The following SLC9B1 variants were observed in gnomAD, a reference collection of about 807,000 sequenced individuals.
The protein encoded by SLC9B1 is solute carrier family 9 member B1.
SLC9B1 carries 32 observed loss-of-function variants against 51.7 expected under a neutral mutation model. The ratio of observed to expected loss-of-function variants is 0.62; its 90% CI spans 0.47 to 0.83. SLC9B1 has a LOEUF of 0.83. Ranked by LOEUF, SLC9B1 falls within the 40% of genes least tolerant of loss-of-function variation. The probability of loss-of-function intolerance (pLI) is 0.00; values close to 1 mark genes in which losing one functional copy is unlikely to be tolerated. For synonymous variants in SLC9B1, 145 were observed against 212.7 expected (o/e 0.68, Z 2.77); for missense variants, 406 against 613.2 (o/e 0.66, Z 3.57).
chr4:102,983,469 T>C (rs1396650486), intron 3 of SLC9B1, among the ~76,000 whole-genome samples: 2 of 152,148 alleles, frequency 1.3e-5, no homozygotes, highest in African/African-American at 4.8e-5. Flanking sequence ...ATTGTATAAT[T>C]TCATCCTTAA....
At chr4:102,913,796 T>TAAAAAAAAAAAAAAAAAAAAAAGAAAAA (rs61244946) in intron 7 of SLC9B1, among the ~76,000 whole-genome samples, 1 of 71,446 alleles carries the variant, frequency 1.4e-5, no homozygotes. Flanking sequence ...AGATAGAAAC[T>TAAAAAAAAAAAAAAAAAAAAAAGAAAAA]AAAAAAAAAA....
rs1737429444 is a variant in SLC9B1, at chr4:102,949,378, A to G, written c.261T>C (p.Ser87=). The change falls in exon 4 of 12, where the codon TCT becomes TCC. Residue 87 remains serine (S), a synonymous_variant. Coordinates refer to ENST00000296422, the MANE Select transcript of SLC9B1 (RefSeq NM_139173.4). ...IWCMTWSILG[S]EALPGGNLFG... is the part of the protein sequence containing the mutation. ...ATAAATTTCCACCAGGGAGAGCTTC[A>G]GAGCCTAAGATTGACCAGGTCATAC... 1.9e-6 allele frequency: 3 copies of G among 1,610,524 alleles called. No individual in the cohort carries two copies. The highest frequency in any genetic ancestry group is 2.3e-4 in the Middle Eastern group (1 of 4,442).
intron 1 of SLC9B1, among the ~76,000 whole-genome samples, chr4:103,019,249 G>A (rs1741606115): frequency 6.6e-6 from 1 of 152,160 alleles, no homozygotes; most frequent in South Asian, 2.1e-4. Flanking sequence ...TATTTGCAGG[G>A]ATCCACCGTT....
intron 3 of SLC9B1, among the ~76,000 whole-genome samples, chr4:102,978,635 A>T (rs1433648533): frequency 6.6e-6 from 1 of 152,208 alleles, no homozygotes; most frequent in Non-Finnish European, 1.5e-5. Flanking sequence ...CACCAGTTAG[A>T]ATGGTGATCA....
intron 1 of SLC9B1, among the ~76,000 whole-genome samples, chr4:102,999,874 T>C (rs1285044207): frequency 1.3e-5 from 2 of 152,172 alleles, no homozygotes; most frequent in African/African-American, 4.8e-5. Flanking sequence ...GACTGAGTAA[T>C]TTAAAAAGGA....
In SLC9B1 at chr4:102,910,517, AC is replaced by A. The variant is rs1735286577; in HGVS notation, c.1007del (p.Arg336LeufsTer13). The A allele has an allele frequency of 6.4e-7, 1 of 1,560,534 alleles. No homozygotes were observed. The highest frequency in any genetic ancestry group is 1.9e-5 in the Admixed American group (1 of 53,254). On this transcript the variant is annotated frameshift_variant, in exon 9 of 12. Coordinates refer to ENST00000296422, the MANE Select transcript of SLC9B1 (RefSeq NM_139173.4). LOFTEE classifies it high-confidence loss of function. ...ATCCTCCAGATCCATGTAAACCAAT[AC>A]GTTGGCTGCCTAAGACGGCAGAAAC... ...MCVSAVLGSQ[R>X]IGLHGSGGLC...
At chr4:102,903,906 CTAT>C (rs1734903153) in intron 11 of SLC9B1, among the ~76,000 whole-genome samples, 1 of 152,154 alleles carries the variant, frequency 6.6e-6, no homozygotes, top group South Asian at 2.1e-4. Flanking sequence ...CTTACGTAGT[CTAT>C]CAAGGGGGCA....
intron 7 of SLC9B1, among the ~76,000 whole-genome samples, chr4:102,916,158 G>T (rs1331508932): frequency 6.6e-6 from 1 of 151,784 alleles, no homozygotes; most frequent in Non-Finnish European, 1.5e-5. Flanking sequence ...TTGGCCAAAT[G>T]GATTTAAAAA....
downstream of SLC9B1, chr4:102,897,474 C>T: frequency 5.1e-6 from 1 of 195,244 alleles, no homozygotes; most frequent in Non-Finnish European, 1.1e-5. Flanking sequence ...AGGCTCAGCT[C>T]ATTAACCAGT....
At chr4:102,924,958 G>A (rs529706350) in intron 7 of SLC9B1, among the ~76,000 whole-genome samples, 14 of 152,316 alleles carry the variant, frequency 9.2e-5, no homozygotes, top group African/African-American at 3.4e-4. Context: ...CTGTTGGTGG[G>A]AGTGTAAACT....
chr4:102,931,092 G>A (rs2110457623), intron 7 of SLC9B1, among the ~76,000 whole-genome samples: 1 of 152,096 alleles, frequency 6.6e-6, no homozygotes, highest in East Asian at 1.9e-4. Flanking sequence ...CGGGCGTGGT[G>A]GTGGGTGCTT....
intron 7 of SLC9B1, among the ~76,000 whole-genome samples, chr4:102,921,087 G>A (rs1398297188): frequency 2.6e-5 from 4 of 152,232 alleles, no homozygotes; most frequent in Non-Finnish European, 4.4e-5. Context: ...CTTGAGAAGA[G>A]CAATTCCAAG....
rs774918222 is a variant in SLC9B1, at chr4:102,999,734, C to G, written c.-1-8022G>C. On this transcript the variant is annotated intron_variant, in intron 1 of 11. Coordinates refer to ENST00000296422, the MANE Select transcript of SLC9B1 (RefSeq NM_139173.4). ...TTTATTTCAATTTGTCCTTGTTCCT[C>G]AAGTATAGTCCTTTAGGGATTTTGC... Among the ~76,000 whole-genome samples, 30 of 152,202 alleles carry G rather than the reference C, an allele frequency of 2.0e-4. 1 individual carries two copies. Among genetic ancestry groups the G allele is most frequent in the Non-Finnish European group, 8.8e-5 (6 of 68,040 alleles).
chr4:102,885,352 G>C (rs375529885), intron 11 of SLC9B1: 1 of 1,613,980 alleles, frequency 6.2e-7, no homozygotes. Context: ...AGGAAAATCC[G>C]AAAGTAGTGA....
chr4:102,924,469 G>A (rs1178377903), intron 7 of SLC9B1, among the ~76,000 whole-genome samples: 1 of 152,132 alleles, frequency 6.6e-6, no homozygotes, highest in Non-Finnish European at 1.5e-5. Flanking sequence ...AGAATACCTA[G>A]GCAATACCAT....
chr4:102,911,935 C>G (rs113262225), intron 7 of SLC9B1: 1,172 of 161,392 alleles, frequency 7.3e-3, no homozygotes, highest in South Asian at 0.012. Flanking sequence ...GAGTTCAAGA[C>G]CAGCCTGGCC....
In SLC9B1 at chr4:102,908,445, G is replaced by T. The variant is rs201158647; in HGVS notation, c.1087-1801C>A. Among the ~76,000 whole-genome samples the T allele has an allele frequency of 0.018, 2,564 of 139,004 alleles. No individual in the cohort carries two copies. The East Asian group carries it at 0.2, about 11-fold the overall frequency. The allele number at this position is 139,004 out of a possible 152,430, so 91.2% of individuals were successfully genotyped here. ...CATGATGTAGTTCTATCTCTGTTCA[G>T]TTAACTTACAAACTGTATGTGTGTG... On this transcript the variant is annotated intron_variant, in intron 9 of 11. Coordinates refer to ENST00000296422, the MANE Select transcript of SLC9B1 (RefSeq NM_139173.4).
rs1171296425 is a variant in SLC9B1, at chr4:102,949,371, G to C, written c.268C>G (p.Leu90Val). The part of the protein sequence containing the change: ...MTWSILGSEA[L>V]PGGNLFGLFI... Reference sequence around the variant, plus strand: ...AACCCAAATAAATTTCCACCAGGGAGAGCTTCAGAGCCTAAGATTGACCAG... The same window carrying C: ...AACCCAAATAAATTTCCACCAGGGACAGCTTCAGAGCCTAAGATTGACCAG... The change falls in exon 4 of 12, where the codon CTC becomes GTC. Residue 90 changes from leucine (L) to valine (V), a missense_variant. Transcript: ENST00000296422. 14 of 1,610,338 alleles carry C rather than the reference G, an allele frequency of 8.7e-6. No homozygotes were observed. Among genetic ancestry groups the C allele is most frequent in the Admixed American group, 1.7e-5 (1 of 59,686 alleles).
chr4:102,937,829 G>A (rs1325372310), intron 6 of SLC9B1, among the ~76,000 whole-genome samples: 1 of 151,796 alleles, frequency 6.6e-6, no homozygotes, highest in Admixed American at 6.6e-5. Context: ...CAAATGCTAA[G>A]GGAATCTGTT....
Sources: gnomAD v4.1 joint callset for allele counts (sites outside exome capture counted in the v4.1 genomes callset) on GRCh38, gnomAD v4.1.1 for gene constraint, MANE v1.5 for transcripts, NCBI Gene and HGNC (gene_info 2026-07-23, HGNC 2026-07-21) for gene names.